The following SDHAF3 variants were observed in gnomAD, a reference collection of about 807,000 sequenced individuals.
The protein encoded by SDHAF3 is succinate dehydrogenase assembly factor 3, mitochondrial.
In SDHAF3, 18 loss-of-function variants were observed where a neutral mutation model predicts 11.5. That is an observed-to-expected ratio of 1.56 (90% CI 1.08 to 2.32). The LOEUF (loss-of-function observed/expected upper bound fraction) is 2.32, where lower values mean the gene tolerates loss of function less well. Ranked by LOEUF, SDHAF3 falls within the 30% of genes most tolerant of loss-of-function variation. The probability of loss-of-function intolerance (pLI) is 0.00; values close to 1 mark genes in which losing one functional copy is unlikely to be tolerated. For synonymous variants in SDHAF3, 72 were observed against 59.3 expected, an observed-to-expected ratio of 1.21 and a Z score of -0.99; for missense variants, 200 against 154.4, an observed-to-expected ratio of 1.30 and a Z score of -1.57.
intron 1 of SDHAF3, among the ~76,000 whole-genome samples, chr7:97,160,897 CAT>C (rs1053157890): frequency 4.0e-5 from 6 of 151,812 alleles, no homozygotes; most frequent in African/African-American, 1.2e-4. Flanking sequence ...TATAAACAAA[CAT>C]TAATTTCTAC....
chr7:97,142,971 A>C (rs1467782759), intron 1 of SDHAF3: 1 of 135,126 alleles, frequency 7.4e-6, no homozygotes, highest in African/African-American at 2.8e-5. Flanking sequence ...ATCTTGGCTC[A>C]CTGCTGCAAC....
At chr7:97,138,117 C>G (rs1788959628) in intron 1 of SDHAF3, among the ~76,000 whole-genome samples, 1 of 151,566 alleles carries the variant, frequency 6.6e-6, no homozygotes, top group Admixed American at 6.6e-5. Flanking sequence ...GCCTTGGCCT[C>G]CCAATGTGCT....
At chr7:97,129,064 A>G (rs1791625963) in intron 1 of SDHAF3, among the ~76,000 whole-genome samples, 2 of 151,794 alleles carry the variant, frequency 1.3e-5, no homozygotes, top group South Asian at 2.1e-4. Flanking sequence ...AAAGCAGTGT[A>G]CTCTTTCCTG....
chr7:97,156,752 G>A (rs1789306507), intron 1 of SDHAF3, among the ~76,000 whole-genome samples: 1 of 151,802 alleles, frequency 6.6e-6, no homozygotes, highest in South Asian at 2.1e-4. Flanking sequence ...AGGATGCTAA[G>A]GATAATCTAT....
At chr7:97,178,377 G>C (rs1281483532) in intron 1 of SDHAF3, among the ~76,000 whole-genome samples, 1 of 152,058 alleles carries the variant, frequency 6.6e-6, no homozygotes, top group South Asian at 2.1e-4. Flanking sequence ...CAGTTATTTT[G>C]GTAATATACC....
chr7:97,142,806 C>T (rs1410192725), intron 1 of SDHAF3: 1 of 151,014 alleles, frequency 6.6e-6, no homozygotes, highest in Non-Finnish European at 1.5e-5. Context: ...TGTCTGCATG[C>T]AGTTTCCTTA....
At chr7:97,171,846 ATGTG>A in intron 1 of SDHAF3, among the ~76,000 whole-genome samples, 1 of 152,118 alleles carries the variant, frequency 6.6e-6, no homozygotes, top group Admixed American at 6.6e-5. Context: ...AATACTAGAT[ATGTG>A]ATTAAACAAA....
At chr7:97,129,093 A>G (rs1271213541) in intron 1 of SDHAF3, among the ~76,000 whole-genome samples, 1 of 152,180 alleles carries the variant, frequency 6.6e-6, no homozygotes, top group Admixed American at 6.5e-5. Flanking sequence ...TTCAAAGGGG[A>G]CATTTTTTGT....
chr7:97,147,608 G>T (rs1197035395), intron 1 of SDHAF3, among the ~76,000 whole-genome samples: 1 of 152,206 alleles, frequency 6.6e-6, no homozygotes, highest in African/African-American at 2.4e-5. Context: ...AGCTCATGCT[G>T]CCATGGGGGA....
intron 1 of SDHAF3, among the ~76,000 whole-genome samples, chr7:97,121,854 GT>G (rs56186976): frequency 0.23 from 30,130 of 129,486 alleles, 2,168 homozygotes; most frequent in East Asian, 0.38. Flanking sequence ...TTTTTTTTTT[GT>G]TTTTTTTTTT....
chr7:97,143,946 C>T (rs1172841032), intron 1 of SDHAF3, among the ~76,000 whole-genome samples: 1 of 152,114 alleles, frequency 6.6e-6, no homozygotes. Flanking sequence ...GTTTACATTC[C>T]CACCAGCAGT....
In SDHAF3 at chr7:97,161,988, A is replaced by G. The variant is rs144483200; in HGVS notation, c.175-19024A>G. ...TGAGTCAAATGGTATTTCTAGTTCT[A>G]GATCCTTGAGGAATTGCCACACTGT... On this transcript the variant is annotated intron_variant, in intron 1 of 1. Transcript: ENST00000432641. Among the ~76,000 whole-genome samples, 553 of 152,338 alleles carry G rather than the reference A, an allele frequency of 3.6e-3. 1 individual carries two copies. The highest frequency in any genetic ancestry group is 0.013 in the African/African-American group (526 of 41,568).
intron 1 of SDHAF3, chr7:97,136,556 G>A: frequency 1.9e-6 from 1 of 531,158 alleles, no homozygotes; most frequent in South Asian, 2.9e-5. Context: ...TTAAGGGGGT[G>A]GCAAGAGTTT....
intron 1 of SDHAF3, among the ~76,000 whole-genome samples, chr7:97,126,353 C>T (rs908410314): frequency 2.6e-5 from 4 of 152,230 alleles, no homozygotes; most frequent in Middle Eastern, 3.2e-3. Context: ...TCCTTGTCAG[C>T]ATCCGCTGCT....
chr7:97,180,875 A>G, intron 1 of SDHAF3, 137 bp from the exon 2 acceptor site: 2 of 703,468 alleles, frequency 2.8e-6, no homozygotes, highest in Non-Finnish European at 2.3e-6. Context: ...TCACAACTAT[A>G]TTTATATCTC....
chr7:97,143,665 CTGTGTGTG>C (rs3029495), intron 1 of SDHAF3, among the ~76,000 whole-genome samples: 35 of 147,982 alleles, frequency 2.4e-4, no homozygotes, highest in East Asian at 4.0e-4. Flanking sequence ...TAGTGTTCCA[CTGTGTGTG>C]TGTGTGTGTG....
intron 1 of SDHAF3, among the ~76,000 whole-genome samples, chr7:97,165,112 A>C (rs867598761): frequency 2.6e-5 from 4 of 151,966 alleles, no homozygotes; most frequent in Non-Finnish European, 5.9e-5. Flanking sequence ...GTGAAACCCC[A>C]TCTCTACTAA....
intron 1 of SDHAF3, among the ~76,000 whole-genome samples, chr7:97,151,503 CTT>C (rs61092979): frequency 1.4e-5 from 2 of 141,120 alleles, no homozygotes; most frequent in Non-Finnish European, 1.5e-5. Context: ...ACCTTTAGTC[CTT>C]TTTTTTTTTT....
chr7:97,166,889 G>A (rs1584231685), intron 1 of SDHAF3, among the ~76,000 whole-genome samples: 2 of 152,280 alleles, frequency 1.3e-5, no homozygotes, highest in East Asian at 3.9e-4. Flanking sequence ...ATTCAGCATA[G>A]AACAATGCAT....
Sources: gnomAD v4.1 joint callset for allele counts (sites outside exome capture counted in the v4.1 genomes callset) on GRCh38, gnomAD v4.1.1 for gene constraint, MANE v1.5 for transcripts, NCBI Gene and HGNC (gene_info 2026-07-23, HGNC 2026-07-21) for gene names.